The following TMEM71 variants were observed in gnomAD, a reference collection of about 807,000 sequenced individuals.
TMEM71 encodes transmembrane protein 71.
Under a neutral mutation model 38.0 loss-of-function variants are expected in TMEM71, and 44 were observed. That is an observed-to-expected ratio of 1.16 (90% CI 0.91 to 1.49). The LOEUF is 1.49. Among genes scored for constraint, TMEM71 ranks in the 40% most tolerant of loss-of-function variants. TMEM71 has a pLI of 0.00. For missense variants in TMEM71, 367 were observed against 348.6 expected, an observed-to-expected ratio of 1.05 and a Z score of -0.42; for synonymous variants, 133 against 122.5, an observed-to-expected ratio of 1.09 and a Z score of -0.56.
At chr8:132,732,220 G>C (rs1316337680) in intron 5 of TMEM71, among the ~76,000 whole-genome samples, 1 of 152,140 alleles carries the variant, frequency 6.6e-6, no homozygotes. Context: ...TCTAGGAAGG[G>C]GTGTCTGAGT....
chr8:132,706,569 G>C (rs1826097807), downstream of TMEM71, among the ~76,000 whole-genome samples: 1 of 152,016 alleles, frequency 6.6e-6, no homozygotes, highest in South Asian at 2.1e-4. Context: ...TGTGCCTTTT[G>C]GGAAATTTTA....
chr8:132,775,819 C>T, the TMEM71 span, among the ~76,000 whole-genome samples: 6 of 152,156 alleles, frequency 3.9e-5, no homozygotes, highest in African/African-American at 1.4e-4. Context: ...CCTTCCTTAC[C>T]CCCCTGCGGA....
chr8:132,744,466 C>G (rs915080638), intron 5 of TMEM71, among the ~76,000 whole-genome samples: 1 of 152,058 alleles, frequency 6.6e-6, no homozygotes, highest in African/African-American at 2.4e-5. Context: ...CTGGGAATAC[C>G]TCTAACCAAG....
intron 4 of TMEM71, among the ~76,000 whole-genome samples, chr8:132,751,527 C>T (rs922360759): frequency 6.6e-6 from 1 of 152,202 alleles, no homozygotes; most frequent in African/African-American, 2.4e-5. Context: ...TATGCCCATT[C>T]CCTCTTACCC....
chr8:132,771,616 A>G, the TMEM71 span, among the ~76,000 whole-genome samples: 1 of 151,318 alleles, frequency 6.6e-6, no homozygotes, highest in South Asian at 2.1e-4. Context: ...ATATATATGT[A>G]TTATTATTTA....
the TMEM71 span, among the ~76,000 whole-genome samples, chr8:132,768,700 G>T: frequency 6.6e-6 from 1 of 152,232 alleles, no homozygotes; most frequent in Non-Finnish European, 1.5e-5. Context: ...ACAAGGGTGT[G>T]TTGCCTCAAT....
intron 5 of TMEM71, among the ~76,000 whole-genome samples, chr8:132,742,002 G>T (rs1828069176): frequency 2.0e-5 from 3 of 152,230 alleles, no homozygotes; most frequent in African/African-American, 7.2e-5. Context: ...ACTAGACCAA[G>T]GAGCCCTTCT....
downstream of TMEM71, among the ~76,000 whole-genome samples, chr8:132,708,904 G>C (rs1001849535): frequency 1.1e-3 from 160 of 152,250 alleles, no homozygotes; most frequent in Middle Eastern, 0.01. Context: ...GCAGTCTCTA[G>C]GTTTTACCCT....
chr8:132,766,808 AGAT>A, the TMEM71 span, among the ~76,000 whole-genome samples: 1 of 127,626 alleles, frequency 7.8e-6, no homozygotes, highest in African/African-American at 2.8e-5. Context: ...AAAATAAAAA[AGAT>A]GCTGTTTTCA....
chr8:132,708,111 T>C (rs16904723), downstream of TMEM71, among the ~76,000 whole-genome samples: 279 of 152,314 alleles, frequency 1.8e-3, 3 homozygotes, highest in African/African-American at 6.4e-3. Context: ...TCACTGAGAA[T>C]CTTTTGTGTA....
downstream of TMEM71, among the ~76,000 whole-genome samples, chr8:132,709,007 G>A (rs1186604097): frequency 1.3e-5 from 2 of 152,144 alleles, no homozygotes; most frequent in Non-Finnish European, 2.9e-5. Context: ...TGTTACTGTA[G>A]CCATAGTAAG....
In TMEM71 at chr8:132,757,284, C is replaced by T. The variant is rs145273992; in HGVS notation, c.51G>A (p.Arg17=). The T allele has an allele frequency of 2.3e-4, 365 of 1,603,968 alleles. No individual in the cohort carries two copies. Among genetic ancestry groups the T allele is most frequent in the Non-Finnish European group, 3.0e-4 (349 of 1,174,756 alleles). Residue 17 remains arginine, a synonymous_variant, in exon 3 of 10, where the codon AGG becomes AGA. Coordinates refer to ENST00000677595, the MANE Select transcript of TMEM71 (RefSeq NM_001382403.1). ...LMSTPVASSS[R]LEREYAGELS... ...GCTCTCCAGCATATTCTCTTTCCAA[C>T]CTGGAAGAACCTGCATAAACAAATG...
intron 6 of TMEM71, among the ~76,000 whole-genome samples, chr8:132,723,452 C>A (rs1826960575): frequency 1.3e-5 from 2 of 152,122 alleles, no homozygotes; most frequent in Non-Finnish European, 2.9e-5. Context: ...CCTTAAGTTG[C>A]CATTTGCTGA....
chr8:132,775,227 C>T, the TMEM71 span: 1 of 313,812 alleles, frequency 3.2e-6, no homozygotes, highest in Non-Finnish European at 5.7e-6. Flanking sequence ...CAGAGCCCCG[C>T]CCGCTAGCGG....
chr8:132,716,584 A>G (rs1414808978), intron 7 of TMEM71, among the ~76,000 whole-genome samples: 1 of 152,226 alleles, frequency 6.6e-6, no homozygotes, highest in East Asian at 1.9e-4. Flanking sequence ...GATTTAAACT[A>G]TATGGGAGGA....
At chr8:132,716,200 C>A (rs927917828) in intron 7 of TMEM71, among the ~76,000 whole-genome samples, 1 of 152,238 alleles carries the variant, frequency 6.6e-6, no homozygotes, top group Admixed American at 6.5e-5. Flanking sequence ...TGCTCCTGCC[C>A]CTGGCCTCTC....
At chr8:132,734,452 C>T (rs1023713274) in intron 5 of TMEM71, among the ~76,000 whole-genome samples, 2 of 152,168 alleles carry the variant, frequency 1.3e-5, no homozygotes, top group Non-Finnish European at 2.9e-5. Flanking sequence ...CCCTTAACTA[C>T]AATCTGGGTA....
upstream of TMEM71, among the ~76,000 whole-genome samples, chr8:132,764,508 C>T (rs1394061201): frequency 3.3e-5 from 5 of 152,186 alleles, no homozygotes; most frequent in Non-Finnish European, 5.9e-5. Context: ...TCATGGCCTG[C>T]CAGGCCTGGT....
intron 5 of TMEM71, among the ~76,000 whole-genome samples, chr8:132,728,268 G>A (rs978625109): frequency 6.6e-6 from 1 of 152,168 alleles, no homozygotes; most frequent in African/African-American, 2.4e-5. Context: ...TGGCTGGGGA[G>A]GCTTCACAAT....
Sources: allele counts gnomAD v4.1 joint callset (sites outside exome capture counted in the v4.1 genomes callset), GRCh38; gene constraint gnomAD v4.1.1; transcripts MANE v1.5; gene names NCBI Gene and HGNC (gene_info 2026-07-23, HGNC 2026-07-21).